SND1: variants seen among roughly 807,000 people sequenced by gnomAD.
SND1 encodes staphylococcal nuclease domain-containing protein 1.
SND1 carries 38 observed loss-of-function variants against 121.7 expected under a neutral mutation model. That is an observed-to-expected ratio of 0.31 (90% CI 0.24 to 0.41). The LOEUF (loss-of-function observed/expected upper bound fraction) is 0.41, where lower values mean the gene tolerates loss of function less well. SND1 is among the 10% of genes least tolerant of loss of function. The pLI is 1.00. For missense variants in SND1, 868 were observed against 1,184.6 expected, an observed-to-expected ratio of 0.73 and a Z score of 3.92; for synonymous variants, 401 against 447.4, an observed-to-expected ratio of 0.90 and a Z score of 1.31.
At chr7:127,830,022 A>G (rs1247956871) in intron 11 of SND1, among the ~76,000 whole-genome samples, 1 of 152,238 alleles carries the variant, frequency 6.6e-6, no homozygotes, top group Non-Finnish European at 1.5e-5. Context: ...GGTGGATTTC[A>G]TGTTACATAA....
chr7:127,865,988 A>G (rs1420393317), intron 12 of SND1, among the ~76,000 whole-genome samples: 1 of 151,022 alleles, frequency 6.6e-6, no homozygotes, highest in Non-Finnish European at 1.5e-5. Context: ...CATAGCCAAC[A>G]TGCTTAACTC....
At chr7:127,802,512 T>G (rs978111875) in intron 10 of SND1, among the ~76,000 whole-genome samples, 2 of 152,198 alleles carry the variant, frequency 1.3e-5, no homozygotes, top group Non-Finnish European at 2.9e-5. Context: ...TTCCTTCTTG[T>G]CCACTCGTTT....
At chr7:127,702,302 CCTTA>C (rs1224151557) in intron 5 of SND1, 129 bp from the exon 6 acceptor site, 1 of 717,078 alleles carries the variant, frequency 1.4e-6, no homozygotes, top group Non-Finnish European at 2.5e-6. Context: ...GCAAGTGCAT[CCTTA>C]CTTTTCAGAG....
intron 16 of SND1, among the ~76,000 whole-genome samples, chr7:128,071,351 G>C (rs995906109): frequency 2.0e-5 from 3 of 152,092 alleles, no homozygotes; most frequent in African/African-American, 7.2e-5. Context: ...TTTCCCCTAG[G>C]AGCAATGGTT....
intron 14 of SND1, among the ~76,000 whole-genome samples, chr7:127,925,786 G>T (rs1294842090): frequency 6.6e-6 from 1 of 151,652 alleles, no homozygotes; most frequent in Non-Finnish European, 1.5e-5. Context: ...GTATTTTTAG[G>T]GTTTCACCAT....
chr7:127,955,668 A>G (rs1012747499), intron 15 of SND1, among the ~76,000 whole-genome samples: 2 of 152,072 alleles, frequency 1.3e-5, no homozygotes, highest in Non-Finnish European at 2.9e-5. Context: ...ATCATCAGCA[A>G]TCCTTGGGGT....
chr7:127,837,780 A>G (rs1798893064), intron 11 of SND1, among the ~76,000 whole-genome samples: 1 of 152,256 alleles, frequency 6.6e-6, no homozygotes, highest in African/African-American at 2.4e-5. Context: ...TATTAAAACT[A>G]CATTATGTAA....
Position 127,872,628 on chromosome 7 carries a change from GCACACACACACA to G in SND1, c.1344-15244_1344-15233del, listed in dbSNP as rs56324746. Among the ~76,000 whole-genome samples the G allele has an allele frequency of 5.3e-3, 742 of 139,962 alleles. 1 individual carries two copies. Among genetic ancestry groups the G allele is most frequent in the African/African-American group, 7.0e-3 (270 of 38,338 alleles). The allele number at this position is 139,962 out of a possible 152,430, so 91.8% of individuals were successfully genotyped here. ...ACATTAGACCTTTTTTAACACACAC[GCACACACACACA>G]CACACACACACACACACACACACAC... On this transcript the variant is annotated intron_variant, in intron 12 of 23. Coordinates refer to ENST00000354725, the MANE Select transcript of SND1 (RefSeq NM_014390.4).
At chr7:127,791,731 T>A (rs1269444684) in intron 10 of SND1, among the ~76,000 whole-genome samples, 1 of 152,214 alleles carries the variant, frequency 6.6e-6, no homozygotes, top group Non-Finnish European at 1.5e-5. Flanking sequence ...TGATAAAATA[T>A]GTGATAACAA....
At chr7:127,660,200 T>C (rs1795284403) in intron 1 of SND1, among the ~76,000 whole-genome samples, 1 of 152,074 alleles carries the variant, frequency 6.6e-6, no homozygotes, top group African/African-American at 2.4e-5. Context: ...AGTGGGAGTG[T>C]TGCTTGAGAC....
intron 10 of SND1, among the ~76,000 whole-genome samples, chr7:127,723,319 G>A (rs921776254): frequency 5.3e-5 from 8 of 152,154 alleles, no homozygotes; most frequent in African/African-American, 1.7e-4. Context: ...TCCTAGTTTA[G>A]GCAGAATCCT....
chr7:127,678,498 G>T (rs1795653232), intron 1 of SND1, among the ~76,000 whole-genome samples: 1 of 152,102 alleles, frequency 6.6e-6, no homozygotes, highest in Admixed American at 6.5e-5. Context: ...TGGGCTTCCG[G>T]TTCATTGGGT....
At chr7:127,699,487 G>T (rs536625485) in intron 4 of SND1, among the ~76,000 whole-genome samples, 1 of 152,306 alleles carries the variant, frequency 6.6e-6, no homozygotes, top group African/African-American at 2.4e-5. Flanking sequence ...GGCCTCACTT[G>T]TTCTGTTTTC....
chr7:127,808,380 G>A (rs567031412), intron 11 of SND1, among the ~76,000 whole-genome samples: 2 of 152,174 alleles, frequency 1.3e-5, no homozygotes, highest in South Asian at 2.1e-4. Context: ...GGCCAGGCTG[G>A]TCTTGAACTC....
intron 14 of SND1, among the ~76,000 whole-genome samples, chr7:127,922,195 T>G (rs1236489104): frequency 1.2e-5 from 1 of 81,464 alleles, no homozygotes; most frequent in African/African-American, 3.4e-5. Context: ...TTTTTTTTTT[T>G]TTTTTTTTGT....
rs1563076490 is a variant in SND1, at chr7:127,976,994, C to T, written c.1670-13953C>T. On this transcript the variant is annotated intron_variant, in intron 15 of 23. Coordinates refer to ENST00000354725, the MANE Select transcript of SND1 (RefSeq NM_014390.4). ...GCACTAATGGAGCTGTCTCTTGCTGCAGCATGCTTCCTGGAGGAAAAGTCC... is the reference window on the plus strand; with the variant it reads ...GCACTAATGGAGCTGTCTCTTGCTGTAGCATGCTTCCTGGAGGAAAAGTCC... Among the ~76,000 whole-genome samples, 3 of 152,288 alleles carry T rather than the reference C, an allele frequency of 2.0e-5. No homozygotes were observed. In the South Asian group the frequency reaches 6.2e-4, roughly 32 times the overall value.
At chr7:127,971,774 T>A (rs568204721) in intron 15 of SND1, among the ~76,000 whole-genome samples, 1 of 150,002 alleles carries the variant, frequency 6.7e-6, no homozygotes, top group Non-Finnish European at 1.5e-5. Context: ...TGAATTAATT[T>A]TTTTTTTTTT....
intron 15 of SND1, among the ~76,000 whole-genome samples, chr7:127,954,263 T>G (rs535376520): frequency 1.3e-5 from 2 of 152,296 alleles, no homozygotes; most frequent in African/African-American, 4.8e-5. Context: ...ACAGTGGGGT[T>G]TTGTATGGAG....
At chr7:128,045,786 C>G (rs1354690477) in intron 16 of SND1, among the ~76,000 whole-genome samples, 1 of 152,184 alleles carries the variant, frequency 6.6e-6, no homozygotes, top group Non-Finnish European at 1.5e-5. Context: ...CTGCCATTCT[C>G]TCCCCATGAC....
Sources: gnomAD v4.1 joint callset for allele counts (sites outside exome capture counted in the v4.1 genomes callset) on GRCh38, gnomAD v4.1.1 for gene constraint, MANE v1.5 for transcripts, NCBI Gene and HGNC (gene_info 2026-07-23, HGNC 2026-07-21) for gene names.